Variants in KLHL4 observed in about 807,000 individuals in gnomAD.
KLHL4 encodes kelch-like protein 4.
In KLHL4, 17 loss-of-function variants were observed where a neutral mutation model predicts 45.8. The observed-to-expected ratio is 0.37, with a 90% CI of 0.25 to 0.56. The LOEUF is 0.56. Ranked by LOEUF, KLHL4 falls within the 20% of genes least tolerant of loss-of-function variation. KLHL4 has a pLI of 0.79. For synonymous variants in KLHL4, 224 were observed against 189.9 expected (o/e 1.18, Z -1.47); for missense variants, 544 against 544.9 (o/e 1.00, Z 0.02).
chrX:87,610,659 T>A (rs1372072318), intron 1 of KLHL4, among the ~76,000 whole-genome samples: 1 of 112,093 alleles, frequency 8.9e-6, no homozygotes, highest in Non-Finnish European at 1.9e-5. Flanking sequence ...ATTGCTGAGT[T>A]TCTTAAACAT....
chrX:87,587,073 A>G (rs1488841099), intron 1 of KLHL4, among the ~76,000 whole-genome samples: 1 of 107,077 alleles, frequency 9.3e-6, no homozygotes, highest in East Asian at 2.9e-4. Context: ...TGAACCAAAA[A>G]TAAATCTAAA....
intron 1 of KLHL4, among the ~76,000 whole-genome samples, chrX:87,613,366 T>A (rs1922446484): frequency 8.9e-6 from 1 of 111,806 alleles, no homozygotes. Flanking sequence ...TGGAATTATG[T>A]CCAGTTTCTT....
chrX:87,568,383 C>CTTTTTTTTTTTTTTTTTTT (rs756469573), intron 1 of KLHL4, among the ~76,000 whole-genome samples: 7 of 59,250 alleles, frequency 1.2e-4, no homozygotes, highest in African/African-American at 3.3e-4. Flanking sequence ...TTTTTCTTTT[C>CTTTTTTTTTTTTTTTTTTT]TTTTTTTCTT....
intron 1 of KLHL4, among the ~76,000 whole-genome samples, chrX:87,586,424 G>A (rs1173817261): frequency 1.8e-5 from 2 of 111,018 alleles, no homozygotes; most frequent in East Asian, 5.6e-4. Context: ...TAATATCAAG[G>A]ATCACCTCTG....
chrX:87,575,499 A>C (rs759009668), intron 1 of KLHL4, among the ~76,000 whole-genome samples: 1 of 112,060 alleles, frequency 8.9e-6, no homozygotes, highest in Admixed American at 9.5e-5. Flanking sequence ...GGTATAGGTG[A>C]TAATGACATA....
rs1383260891 is a variant in KLHL4, at chrX:87,630,545, A to C, written c.1325-1665A>C. Among the ~76,000 whole-genome samples, 6 of 111,326 alleles carry C rather than the reference A, an allele frequency of 5.4e-5. No individual in the cohort carries two copies. The East Asian group carries it at 1.7e-3, about 31-fold the overall frequency. ...CTATATAGATGTAAAAAATAATTCT[A>C]TTATTTTCCACCCTGGTTATTATTC... On this transcript the variant is annotated intron_variant, in intron 6 of 10. Coordinates refer to ENST00000373119, the MANE Select transcript of KLHL4 (RefSeq NM_019117.5).
At chrX:87,530,132 T>C (rs1288359904) in intron 1 of KLHL4, among the ~76,000 whole-genome samples, 1 of 111,273 alleles carries the variant, frequency 9.0e-6, no homozygotes, top group African/African-American at 3.3e-5. Context: ...TTTAATTAGA[T>C]TCCATTTGTC....
chrX:87,621,386 A>G (rs1232973809), intron 4 of KLHL4, among the ~76,000 whole-genome samples: 1 of 110,965 alleles, frequency 9.0e-6, no homozygotes, highest in Non-Finnish European at 1.9e-5. Flanking sequence ...AAAAAATATA[A>G]TGGTGTTTTG....
At chrX:87,638,492 T>C (rs899513533) in intron 9 of KLHL4, among the ~76,000 whole-genome samples, 1 of 112,141 alleles carries the variant, frequency 8.9e-6, no homozygotes. Context: ...TAAGAGCAGA[T>C]ATTTTAGTAG....
rs1220209531 is a variant in KLHL4, at chrX:87,635,765, T to A, written c.1915T>A (p.Cys639Ser). ...CAACCATTGCTCCAGGCTTTCTGAC[T>A]GTGTGGAACGGTAAGTTTTTTCTAT... ...ASNHCSRLSD[C>S]VERYDPKGDS... Residue 639 changes from cysteine to serine, a missense_variant, in exon 9 of 11, where the codon TGT becomes AGT. Cys to Ser is a moderately radical substitution (Grantham distance 112, BLOSUM62 -1). Transcript: ENST00000373119. 1 of 1,154,030 alleles carries A rather than the reference T, an allele frequency of 8.7e-7. No homozygotes were observed. Among genetic ancestry groups the A allele is most frequent in the South Asian group, 2.1e-5 (1 of 46,890 alleles).
At chrX:87,630,566 T>C (rs1028589506) in intron 6 of KLHL4, among the ~76,000 whole-genome samples, 4 of 111,278 alleles carry the variant, frequency 3.6e-5, no homozygotes, top group Admixed American at 1.9e-4. Context: ...CCCTGGTTAT[T>C]ATTCAGAAGT....
At chrX:87,531,168 C>T in intron 1 of KLHL4, among the ~76,000 whole-genome samples, 1 of 107,648 alleles carries the variant, frequency 9.3e-6, no homozygotes, top group African/African-American at 3.4e-5. Context: ...GGATATTAGC[C>T]CTTTGTCAGA....
chrX:87,559,174 A>G (rs1038573759), intron 1 of KLHL4, among the ~76,000 whole-genome samples: 8 of 112,177 alleles, frequency 7.1e-5, no homozygotes, highest in African/African-American at 1.9e-4. Flanking sequence ...TGGACATTGA[A>G]TTTTGAGTTG....
intron 1 of KLHL4, among the ~76,000 whole-genome samples, chrX:87,548,814 T>A (rs1381970503): frequency 4.3e-5 from 3 of 69,240 alleles, no homozygotes; most frequent in Non-Finnish European, 5.6e-5. Context: ...CCAGAGAAAA[T>A]AATCTTCACT....
At chrX:87,521,454 G>A (rs960546522) in intron 1 of KLHL4, among the ~76,000 whole-genome samples, 3 of 111,245 alleles carry the variant, frequency 2.7e-5, no homozygotes, top group African/African-American at 9.8e-5. Flanking sequence ...TGTTTTCATT[G>A]AATCATTGAA....
chrX:87,576,287 A>G (rs911174403), intron 1 of KLHL4, among the ~76,000 whole-genome samples: 1 of 111,851 alleles, frequency 8.9e-6, no homozygotes, highest in East Asian at 2.8e-4. Context: ...TGAAAGCTGA[A>G]AAATACATTA....
chrX:87,558,963 C>T (rs1474411248), intron 1 of KLHL4, among the ~76,000 whole-genome samples: 3 of 111,652 alleles, frequency 2.7e-5, no homozygotes, highest in Non-Finnish European at 5.6e-5. Flanking sequence ...ATTATAGAAG[C>T]ACACTGTGAA....
At chrX:87,639,596 A>G (rs1003846880) in intron 9 of KLHL4, among the ~76,000 whole-genome samples, 6 of 111,398 alleles carry the variant, frequency 5.4e-5, no homozygotes, top group African/African-American at 1.6e-4. Context: ...TTTAAATAAC[A>G]TGCTTCTGAA....
chrX:87,644,939 T>C (rs1370002876), intron 9 of KLHL4, among the ~76,000 whole-genome samples: 1 of 111,908 alleles, frequency 8.9e-6, no homozygotes, highest in African/African-American at 3.2e-5. Context: ...CCTGAAACTA[T>C]AAAAATTCTA....
Sources: gnomAD v4.1 joint callset for allele counts (sites outside exome capture counted in the v4.1 genomes callset) on GRCh38, gnomAD v4.1.1 for gene constraint, MANE v1.5 for transcripts, NCBI Gene and HGNC (gene_info 2026-07-23, HGNC 2026-07-21) for gene names.